LRBA: variants seen among roughly 807,000 people sequenced by gnomAD.
The protein encoded by LRBA is LPS responsive beige-like anchor protein.
Under a neutral mutation model 330.0 loss-of-function variants are expected in LRBA, and 176 were observed. The observed-to-expected ratio is 0.53, with a 90% CI of 0.47 to 0.60. LRBA has a LOEUF of 0.60. LRBA is among the 20% of genes least tolerant of loss of function. LRBA has a pLI of 0.00. For synonymous variants in LRBA, 1,230 were observed against 1,193.0 expected (o/e 1.03, Z -0.64); for missense variants, 3,259 against 3,444.8 (o/e 0.95, Z 1.35).
intron 40 of LRBA, among the ~76,000 whole-genome samples, chr4:150,533,329 C>T (rs759039544): frequency 3.3e-5 from 5 of 152,000 alleles, no homozygotes; most frequent in East Asian, 1.9e-4. Context: ...CATGTCACCA[C>T]ATCTGGCTAA....
intron 49 of LRBA, 79 bp downstream of exon 49, chr4:150,325,730 G>T: frequency 1.0e-6 from 1 of 989,090 alleles, no homozygotes; most frequent in Non-Finnish European, 1.6e-6. Flanking sequence ...AGAAACTCAA[G>T]CACAATGAAA....
chr4:150,748,361 T>A (rs1452568383), intron 35 of LRBA, among the ~76,000 whole-genome samples: 1 of 152,038 alleles, frequency 6.6e-6, no homozygotes, highest in Non-Finnish European at 1.5e-5. Context: ...GAAAGCTGGA[T>A]ATCAACATAC....
chr4:150,428,479 C>T (rs1749936751), intron 46 of LRBA, among the ~76,000 whole-genome samples: 2 of 152,030 alleles, frequency 1.3e-5, no homozygotes, highest in Non-Finnish European at 2.9e-5. Flanking sequence ...TTAGTAGTCC[C>T]ACTTCATATC....
chr4:150,669,350 T>C (rs1432226472), intron 37 of LRBA, among the ~76,000 whole-genome samples: 4 of 152,176 alleles, frequency 2.6e-5, no homozygotes, highest in Non-Finnish European at 5.9e-5. Flanking sequence ...TTAACTAATC[T>C]TCAGAGTACA....
chr4:150,270,322 A>G (rs1268888235), intron 56 of LRBA, among the ~76,000 whole-genome samples: 1 of 152,256 alleles, frequency 6.6e-6, no homozygotes, highest in Non-Finnish European at 1.5e-5. Flanking sequence ...CCAAGTGTCC[A>G]TCATCAACAG....
intron 33 of LRBA, among the ~76,000 whole-genome samples, chr4:150,800,073 T>C (rs2126678993): frequency 6.6e-6 from 1 of 152,292 alleles, no homozygotes; most frequent in African/African-American, 2.4e-5. Flanking sequence ...TAAGAAAAAT[T>C]TCACACATAC....
chr4:150,474,650 T>C (rs895109976), intron 42 of LRBA, among the ~76,000 whole-genome samples: 5 of 152,176 alleles, frequency 3.3e-5, no homozygotes, highest in African/African-American at 1.2e-4. Context: ...TTAAGGTCTA[T>C]TTTTAATTTC....
At chr4:150,317,214 T>G (rs996511512) in intron 50 of LRBA, among the ~76,000 whole-genome samples, 6 of 152,148 alleles carry the variant, frequency 3.9e-5, no homozygotes, top group Admixed American at 3.3e-4. Context: ...TTTTCTATTC[T>G]CCTGTGATTA....
chr4:150,652,151 C>T (rs9995388), intron 37 of LRBA, among the ~76,000 whole-genome samples: 121,843 of 152,076 alleles, frequency 0.8, 52,484 homozygotes, highest in Non-Finnish European at 0.95. Context: ...ATCATTTTCA[C>T]ACCTATACAA....
chr4:150,916,322 T>C lies in LRBA; in HGVS notation c.894+79A>G, dbSNP rs181778202. On this transcript the variant is annotated intron_variant, in intron 7 of 56. Transcript: ENST00000651943. The stretch of plus-strand genomic sequence containing the variant: ...GAAGTTGTGCTTTAGCATGTTATTA[T>C]ATGAATAACATTAAAACAAAGCATT... 29 of 1,385,002 alleles carry C rather than the reference T, an allele frequency of 2.1e-5. No individual in the cohort carries two copies. In the East Asian group the frequency reaches 5.1e-4, roughly 24 times the overall value. 85.8% of individuals were successfully genotyped at this position (1,385,002 alleles called of 1,614,324 possible). A position where few individuals can be genotyped will look rare whatever the true frequency, so the allele number is the denominator to read the frequency against.
At chr4:150,858,990 T>G (rs1751564608) in intron 22 of LRBA, among the ~76,000 whole-genome samples, 1 of 152,214 alleles carries the variant, frequency 6.6e-6, no homozygotes, top group Non-Finnish European at 1.5e-5. Flanking sequence ...TATTTCCACA[T>G]GCTTTTACCC....
intron 55 of LRBA, among the ~76,000 whole-genome samples, chr4:150,280,923 G>C (rs532387684): frequency 6.6e-6 from 1 of 152,340 alleles, no homozygotes; most frequent in Admixed American, 6.5e-5. Flanking sequence ...TAAAGTGCAG[G>C]AGTGCTGGGA....
intron 36 of LRBA, among the ~76,000 whole-genome samples, chr4:150,725,170 A>G (rs1405887566): frequency 1.3e-5 from 2 of 152,066 alleles, no homozygotes; most frequent in African/African-American, 4.8e-5. Context: ...GTAGATAAAA[A>G]GAGAGGGGTA....
intron 22 of LRBA, among the ~76,000 whole-genome samples, chr4:150,862,351 A>T (rs1445332910): frequency 6.6e-6 from 1 of 152,180 alleles, no homozygotes; most frequent in Admixed American, 6.5e-5. Flanking sequence ...ATGCAGCCAT[A>T]AAAAAGGATG....
intron 35 of LRBA, among the ~76,000 whole-genome samples, chr4:150,737,101 C>T (rs1026162022): frequency 6.6e-6 from 1 of 151,894 alleles, no homozygotes; most frequent in Non-Finnish European, 1.5e-5. Flanking sequence ...GCCTATGGTC[C>T]CAGCTACTCA....
chr4:150,265,460 A>G lies in LRBA; in HGVS notation c.*262T>C, dbSNP rs1745185878. ...TTTACTTGCTCCACTGTATGTTTCC[A>G]TAATTGGTGAAAATAGACTTCTCAT... is the stretch of plus-strand genomic sequence containing the variant. On this transcript the variant is annotated 3_prime_UTR_variant, in exon 57 of 57. Coordinates refer to ENST00000651943, the MANE Select transcript of LRBA (RefSeq NM_001364905.1). The G allele has an allele frequency of 6.3e-6, 2 of 319,104 alleles. No individual in the cohort carries two copies. The highest frequency in any genetic ancestry group is 4.1e-5 in the South Asian group (1 of 24,484). 19.8% of individuals were successfully genotyped at this position (319,104 alleles called of 1,614,324 possible).
Position 150,797,771 on chromosome 4 carries a change from T to C in LRBA, c.5580+310A>G, listed in dbSNP as rs140254989. ...AGTCAGCGTGGCACTCCACAAGATA[T>C]AGAAATAAATCTGTTTTTATAACCT... On this transcript the variant is annotated intron_variant, in intron 34 of 56. Coordinates refer to ENST00000651943, the MANE Select transcript of LRBA (RefSeq NM_001364905.1). 8.5e-5 allele frequency among the ~76,000 whole-genome samples: 13 copies of C among 152,224 alleles called. No individual in the cohort carries two copies. In the East Asian group the frequency reaches 2.1e-3, roughly 25 times the overall value.
At chr4:150,812,941 T>A (rs1743976217) in intron 31 of LRBA, among the ~76,000 whole-genome samples, 2 of 152,118 alleles carry the variant, frequency 1.3e-5, no homozygotes, top group Admixed American at 1.3e-4. Context: ...AAGGATCACT[T>A]GAAGCCAGGA....
chr4:150,320,088 A>T (rs1732276904), intron 50 of LRBA, among the ~76,000 whole-genome samples: 1 of 152,184 alleles, frequency 6.6e-6, no homozygotes, highest in Non-Finnish European at 1.5e-5. Context: ...CTGGCCAAAG[A>T]GAACAGTGCT....
Sources: gnomAD v4.1 joint callset for allele counts (sites outside exome capture counted in the v4.1 genomes callset) on GRCh38, gnomAD v4.1.1 for gene constraint, MANE v1.5 for transcripts, NCBI Gene and HGNC (gene_info 2026-07-23, HGNC 2026-07-21) for gene names.